FAT3: variants seen among roughly 807,000 people sequenced by gnomAD.
FAT3 encodes protocadherin Fat 3.
A neutral mutation model predicts 310.2 loss-of-function variants in FAT3; 95 were observed. The ratio of observed to expected loss-of-function variants is 0.31; its 90% CI spans 0.26 to 0.36. The LOEUF is 0.36. Ranked by LOEUF, FAT3 falls within the 10% of genes least tolerant of loss-of-function variation. The probability of loss-of-function intolerance (pLI) is 1.00; values close to 1 mark genes in which losing one functional copy is unlikely to be tolerated. For synonymous variants in FAT3, 2,314 were observed against 2,192.9 expected, an observed-to-expected ratio of 1.06 and a Z score of -1.54; for missense variants, 5,408 against 5,715.6, an observed-to-expected ratio of 0.95 and a Z score of 1.74.
intron 3 of FAT3, among the ~76,000 whole-genome samples, chr11:92,686,370 T>C (rs1367152752): frequency 6.6e-6 from 1 of 152,220 alleles, no homozygotes; most frequent in African/African-American, 2.4e-5. Context: ...AATTACAACA[T>C]CAAAATGGTG....
At chr11:92,579,559 A>G (rs1270708216) in intron 3 of FAT3, among the ~76,000 whole-genome samples, 2 of 152,082 alleles carry the variant, frequency 1.3e-5, no homozygotes, top group Non-Finnish European at 2.9e-5. Flanking sequence ...ATGCCCTAAG[A>G]TAATTAAATT....
chr11:92,616,379 G>A lies in FAT3; in HGVS notation c.3608-81005G>A, dbSNP rs1045543618. Among the ~76,000 whole-genome samples the A allele has an allele frequency of 4.7e-4, 15 of 32,162 alleles. No homozygotes were observed. The African/African-American group carries it at 5.3e-3, about 11-fold the overall frequency. The allele number at this position is 32,162 out of a possible 152,430, so 21.1% of individuals were successfully genotyped here. ...TTTTGAGCCTGTGTGTGTCTCTGCA[G>A]TGAGATGGGTCTCCTGAATACGGGA... On this transcript the variant is annotated intron_variant, in intron 3 of 27. Coordinates refer to ENST00000525166, the MANE Select transcript of FAT3 (RefSeq NM_001367949.2).
Position 92,883,040 on chromosome 11 carries a change from C to A in FAT3, c.12584C>A (p.Pro4195Gln), listed in dbSNP as rs1238168265. 1.2e-6 allele frequency: 2 copies of A among 1,613,768 alleles called. No individual in the cohort carries two copies. Among genetic ancestry groups the A allele is most frequent in the Admixed American group, 3.3e-5 (2 of 60,018 alleles). Residue 4195 changes from proline (P) to glutamine (Q), a missense_variant, in exon 24 of 28, where the codon CCG (proline) becomes CAG (glutamine). Transcript: ENST00000525166. This position sits in a 1 kb window ranked among gnomAD's most constrained non-coding sequence, Gnocchi z 4.2. ...AACAACATCACGCTAGTGCAGGACC[C>A]GGCCACCGCCGCCCTGCTTAACAAG... ...SRNNITLVQD[P>Q]ATAALLNKSN...
At chr11:92,850,792 C>T (rs1183570300) in intron 19 of FAT3, among the ~76,000 whole-genome samples, 2 of 152,166 alleles carry the variant, frequency 1.3e-5, no homozygotes, top group South Asian at 2.1e-4. Flanking sequence ...CAGGGGGCTG[C>T]GGGAATGCTG....
intron 1 of FAT3, among the ~76,000 whole-genome samples, chr11:92,307,289 A>G (rs1947166803): frequency 6.6e-6 from 1 of 152,058 alleles, no homozygotes; most frequent in African/African-American, 2.4e-5. Context: ...AGCACAGAAG[A>G]AAACAACATC....
chr11:92,498,112 C>T (rs1952821786), intron 2 of FAT3: 1 of 152,730 alleles, frequency 6.5e-6, no homozygotes, highest in East Asian at 1.9e-4. Flanking sequence ...ACAAATGGGA[C>T]TTTTTATCTA....
At chr11:92,312,050 G>A (rs984002625) in intron 1 of FAT3, among the ~76,000 whole-genome samples, 48 of 151,522 alleles carry the variant, frequency 3.2e-4, no homozygotes, top group African/African-American at 1.1e-3. Context: ...CCAAGTTTTC[G>A]AACTTTGTTA....
chr11:92,635,563 AT>A (rs973156083), intron 3 of FAT3, among the ~76,000 whole-genome samples: 2 of 152,134 alleles, frequency 1.3e-5, no homozygotes, highest in Non-Finnish European at 2.9e-5. Flanking sequence ...TCAGGGTGTG[AT>A]TTTTTTAAAA....
chr11:92,458,515 A>G (rs1356484436), intron 2 of FAT3, among the ~76,000 whole-genome samples: 1 of 152,160 alleles, frequency 6.6e-6, no homozygotes, highest in Admixed American at 6.5e-5. Flanking sequence ...GTAATTTGCC[A>G]TGAAACTCTG....
chr11:92,424,993 TAAC>T (rs1192588531), intron 2 of FAT3, among the ~76,000 whole-genome samples: 1 of 152,200 alleles, frequency 6.6e-6, no homozygotes, highest in African/African-American at 2.4e-5. Context: ...TCAGGTGACT[TAAC>T]AACACTTTCC....
chr11:92,846,338 A>T (rs974902009), intron 19 of FAT3, among the ~76,000 whole-genome samples: 3 of 152,216 alleles, frequency 2.0e-5, no homozygotes, highest in African/African-American at 7.2e-5. Flanking sequence ...AGATACAGTT[A>T]CTGCCCTTAG....
rs370226672 is a variant in FAT3 at position 92,843,903 on chromosome 11, T to C, written c.10567-31T>C. ...ACTTACTATGATTAGTTTTCTTCCT[T>C]TGTTGCCTTTTCACCTCTTGGTTGT... On this transcript the variant is annotated intron_variant, in intron 18 of 27. Transcript: ENST00000525166. The C allele has an allele frequency of 5.0e-5, 78 of 1,549,916 alleles. No individual in the cohort carries two copies. The African/African-American group carries it at 1.0e-3, about 20-fold the overall frequency.
intron 2 of FAT3, among the ~76,000 whole-genome samples, chr11:92,518,262 C>T (rs1160893428): frequency 1.3e-5 from 2 of 152,106 alleles, no homozygotes; most frequent in African/African-American, 2.4e-5. Context: ...TTGCAACCAA[C>T]CCAAATGCCC....
chr11:92,578,657 G>A (rs1938619772), intron 3 of FAT3, among the ~76,000 whole-genome samples: 1 of 152,088 alleles, frequency 6.6e-6, no homozygotes, highest in African/African-American at 2.4e-5. Flanking sequence ...GAAGAGCGTG[G>A]AAAAAGCATC....
intron 3 of FAT3, among the ~76,000 whole-genome samples, chr11:92,609,727 A>G (rs1940475675): frequency 6.6e-6 from 1 of 152,184 alleles, no homozygotes; most frequent in Non-Finnish European, 1.5e-5. Context: ...GAAGGATATA[A>G]TATGAAAGTG....
intron 1 of FAT3, among the ~76,000 whole-genome samples, chr11:92,275,082 A>C (rs767914721): frequency 6.6e-6 from 1 of 152,092 alleles, no homozygotes. Flanking sequence ...CTTCTGTTGT[A>C]GTGTGTGCCA....
Position 92,810,618 on chromosome 11 carries a change from G to A in FAT3, c.9481+542G>A, listed in dbSNP as rs78225329. Among the ~76,000 whole-genome samples, 532 of 152,224 alleles carry A rather than the reference G, an allele frequency of 3.5e-3. 2 individuals carry two copies. The highest frequency in any genetic ancestry group is 0.012 in the African/African-American group (515 of 41,538). On this transcript the variant is annotated intron_variant, in intron 13 of 27. Transcript: ENST00000525166. ...AACTGCCATTTTACAAAGCATTTTT[G>A]TCACATATAAACTGACATTGTTTGA...
At position 92,733,217 on chromosome 11, in the gene FAT3, C is replaced by A. The variant is rs866682712; in HGVS notation, c.3670-28639C>A. Among the ~76,000 whole-genome samples, 18 of 152,276 alleles carry A rather than the reference C, an allele frequency of 1.2e-4. No homozygotes were observed. The South Asian group carries it at 1.2e-3, about 11-fold the overall frequency. The stretch of plus-strand genomic sequence containing the variant: ...TGGGAGCCACTCTGGAAGAAACAGG[C>A]TCAGTAACCACTTAATACATGAGTA... On this transcript the variant is annotated intron_variant, in intron 4 of 27. Transcript: ENST00000525166.
chr11:92,569,939 C>T (rs1051830934), intron 3 of FAT3, among the ~76,000 whole-genome samples: 1 of 152,142 alleles, frequency 6.6e-6, no homozygotes, highest in African/African-American at 2.4e-5. Flanking sequence ...CCACAGGCCT[C>T]CTTGTCAGCC....
Sources: allele counts gnomAD v4.1 joint callset (sites outside exome capture counted in the v4.1 genomes callset), GRCh38; gene constraint gnomAD v4.1.1; non-coding constraint Gnocchi (gnomAD v3.1); transcripts MANE v1.5; gene names NCBI Gene and HGNC (gene_info 2026-07-23, HGNC 2026-07-21).